The following CES5A variants were observed in gnomAD, a reference collection of about 807,000 sequenced individuals.
CES5A encodes the protein carboxylesterase 5A.
In CES5A, 67 loss-of-function variants were observed where a neutral mutation model predicts 62.9. That is an observed-to-expected ratio of 1.07 (90% CI 0.88 to 1.31). The LOEUF is 1.31. Among genes scored for constraint, CES5A ranks in the 50% most tolerant of loss-of-function variants. The pLI is 0.00. For synonymous variants in CES5A, 296 were observed against 280.8 expected, an observed-to-expected ratio of 1.05 and a Z score of -0.54; for missense variants, 748 against 708.5, an observed-to-expected ratio of 1.06 and a Z score of -0.63.
intron 1 of CES5A, among the ~76,000 whole-genome samples, chr16:55,887,671 A>C (rs1776095346): frequency 6.6e-6 from 1 of 152,124 alleles, no homozygotes; most frequent in South Asian, 2.1e-4. Flanking sequence ...GACAGTGTAA[A>C]CTTAATGTGG....
At chr16:55,915,068 T>C (rs1421336802) in intron 1 of CES5A, among the ~76,000 whole-genome samples, 4 of 151,836 alleles carry the variant, frequency 2.6e-5, no homozygotes, top group African/African-American at 2.4e-5. Flanking sequence ...CCCAGTCCCA[T>C]TGTGCATCAG....
At chr16:55,923,057 A>C (rs1458610900) in intron 1 of CES5A, among the ~76,000 whole-genome samples, 3 of 151,772 alleles carry the variant, frequency 2.0e-5, no homozygotes, top group African/African-American at 7.2e-5. Context: ...AGAGGAGTTT[A>C]TAGCAGTAAA....
chr16:55,865,040 C>G lies in CES5A; in HGVS notation c.705+923G>C, dbSNP rs2033428161. Among the ~76,000 whole-genome samples, 7 of 148,258 alleles carry G rather than the reference C, an allele frequency of 4.7e-5. No individual in the cohort carries two copies. In the South Asian group the frequency reaches 1.5e-3, roughly 32 times the overall value. Reference sequence around the variant, plus strand: ...TGACCAACATGGAGAAACCCCATCTCTACTAAAAATACAAAATTAGCTGGG... The same window carrying G: ...TGACCAACATGGAGAAACCCCATCTGTACTAAAAATACAAAATTAGCTGGG... On this transcript the variant is annotated intron_variant, in intron 5 of 12. Transcript: ENST00000290567.
intron 1 of CES5A, among the ~76,000 whole-genome samples, chr16:55,884,067 C>T (rs2033788484): frequency 6.6e-6 from 1 of 152,242 alleles, no homozygotes; most frequent in South Asian, 2.1e-4. Flanking sequence ...AACAACCATA[C>T]ATCCCTTCGG....
rs548613799 is a variant in CES5A at position 55,853,079 on chromosome 16, C to A, written c.1126-51G>T. 1.3e-5 allele frequency: 21 copies of A among 1,575,092 alleles called. No individual in the cohort carries two copies. In the East Asian group the frequency reaches 4.7e-4, roughly 35 times the overall value. Reference sequence around the variant, plus strand: ...GATCCAGGTCAACCACAATGGCCAACACGTTAAACACTCACCTGTGCAGGT... The same window carrying A: ...GATCCAGGTCAACCACAATGGCCAAAACGTTAAACACTCACCTGTGCAGGT... On this transcript the variant is annotated intron_variant, in intron 9 of 12. Coordinates refer to ENST00000290567, the MANE Select transcript of CES5A (RefSeq NM_001143685.2).
intron 9 of CES5A, among the ~76,000 whole-genome samples, chr16:55,854,421 T>C (rs562060144): frequency 2.6e-3 from 394 of 152,014 alleles, no homozygotes; most frequent in South Asian, 0.025. Flanking sequence ...CTGTATAACT[T>C]ATATCATCAA....
At chr16:55,911,352 G>A (rs1307961079) in intron 1 of CES5A, among the ~76,000 whole-genome samples, 1 of 152,162 alleles carries the variant, frequency 6.6e-6, no homozygotes, top group African/African-American at 2.4e-5. Context: ...AGCTACAAGG[G>A]AGGCTGGAAA....
chr16:55,873,377 C>A lies in CES5A; in HGVS notation c.278+456G>T, dbSNP rs145715305. Among the ~76,000 whole-genome samples, 929 of 152,164 alleles carry A rather than the reference C, an allele frequency of 6.1e-3. 9 individuals are homozygous for A. Among genetic ancestry groups the A allele is most frequent in the Middle Eastern group, 0.01 (3 of 294 alleles). On this transcript the variant is annotated intron_variant, in intron 2 of 12. Coordinates refer to ENST00000290567, the MANE Select transcript of CES5A (RefSeq NM_001143685.2). ...CCGTTTTGACAGCTGGAGCTAACACCCTTCTAGTGTGGTTCTTCTCAATAA... is the reference window on the plus strand; with the variant it reads ...CCGTTTTGACAGCTGGAGCTAACACACTTCTAGTGTGGTTCTTCTCAATAA...
chr16:55,867,434 G>A (rs796812778), intron 4 of CES5A, among the ~76,000 whole-genome samples: 1 of 152,154 alleles, frequency 6.6e-6, no homozygotes, highest in South Asian at 2.1e-4. Flanking sequence ...CCGAAAGCAT[G>A]CATGCAGTGC....
chr16:55,871,768 G>A lies in CES5A; in HGVS notation c.279-5C>T, dbSNP rs776729237. On this transcript the variant is annotated splice_polypyrimidine_tract_variant and splice_region_variant and intron_variant, in intron 2 of 12. Coordinates refer to ENST00000290567, the MANE Select transcript of CES5A (RefSeq NM_001143685.2). ...CACTCTGAGTTCTGGAGGCACCTTG[G>A]AGAAGGAGAGGAGAAAACCCTCAGA... is the stretch of plus-strand genomic sequence containing the variant. The A allele has an allele frequency of 6.2e-7, 1 of 1,613,708 alleles. No homozygotes were observed. Among genetic ancestry groups the A allele is most frequent in the Non-Finnish European group, 8.5e-7 (1 of 1,179,794 alleles).
intron 2 of CES5A, among the ~76,000 whole-genome samples, chr16:55,943,345 C>T (rs2034463881): frequency 6.6e-6 from 1 of 152,172 alleles, no homozygotes; most frequent in South Asian, 2.1e-4. Context: ...GGAGCGACTC[C>T]CAAGGTCACA....
Position 55,869,738 on chromosome 16 carries a change from C to G in CES5A, c.424G>C (p.Val142Leu), listed in dbSNP as rs751950787. ...TTGAAGGCACCTCCTGGGAACCACA[C>G]CAAGACCTGAGGAGGGGAGAAGAGC... is the stretch of plus-strand genomic sequence containing the variant. ...ADTGSKLPVL[V>L]WFPGGAFKTG... Residue 142 changes from valine to leucine, a missense_variant, in exon 4 of 13, where the codon GTG becomes CTG. Val to Leu is a conservative substitution (Grantham distance 32). Transcript: ENST00000290567. 1.9e-6 allele frequency: 3 copies of G among 1,602,156 alleles called. No individual in the cohort carries two copies. Among genetic ancestry groups the G allele is most frequent in the Non-Finnish European group, 2.6e-6 (3 of 1,172,920 alleles).
intron 4 of CES5A, among the ~76,000 whole-genome samples, chr16:55,866,719 T>A (rs2033473083): frequency 6.7e-6 from 1 of 148,904 alleles, no homozygotes. Flanking sequence ...GCGCCTGTAG[T>A]CCCAGTTATT....
intron 3 of CES5A, among the ~76,000 whole-genome samples, chr16:55,870,165 G>A (rs1208293689): frequency 6.6e-6 from 1 of 152,150 alleles, no homozygotes; most frequent in Non-Finnish European, 1.5e-5. Context: ...TGACCCACGG[G>A]AAGATGGAAA....
upstream of CES5A, among the ~76,000 whole-genome samples, chr16:55,930,182 C>T (rs1457116400): frequency 1.3e-5 from 2 of 152,098 alleles, no homozygotes; most frequent in Admixed American, 1.3e-4. Flanking sequence ...ATCCTCCCTC[C>T]TCCCCCAGCA....
chr16:55,872,087 C>A (rs2033601861), intron 2 of CES5A, among the ~76,000 whole-genome samples: 1 of 152,196 alleles, frequency 6.6e-6, no homozygotes, highest in African/African-American at 2.4e-5. Flanking sequence ...ACGACCCAAG[C>A]TGGCCCAACA....
intron 1 of CES5A, among the ~76,000 whole-genome samples, chr16:55,896,244 A>G (rs1597139506): frequency 6.6e-6 from 1 of 152,306 alleles, no homozygotes; most frequent in Middle Eastern, 3.4e-3. Context: ...TATCATGAGA[A>G]CAGCCTGGGA....
chr16:55,887,382 C>CAAA (rs202239600), intron 1 of CES5A, among the ~76,000 whole-genome samples: 18 of 91,218 alleles, frequency 2.0e-4, no homozygotes, highest in Middle Eastern at 5.6e-3. Context: ...GGACCAGAGG[C>CAAA]AAAAAAAAAA....
At chr16:55,940,839 C>T (rs1256827792) in intron 2 of CES5A, among the ~76,000 whole-genome samples, 3 of 151,626 alleles carry the variant, frequency 2.0e-5, no homozygotes, top group Non-Finnish European at 2.9e-5. Context: ...GAATATAAGG[C>T]TGATCCAATA....
Sources: allele counts gnomAD v4.1 joint callset (sites outside exome capture counted in the v4.1 genomes callset), GRCh38; gene constraint gnomAD v4.1.1; transcripts MANE v1.5; gene names NCBI Gene and HGNC (gene_info 2026-07-23, HGNC 2026-07-21).